Variants in PTAFR observed in about 807,000 individuals in gnomAD.
PTAFR encodes the protein platelet-activating factor receptor.
Under a neutral mutation model 14.7 loss-of-function variants are expected in PTAFR, and 8 were observed. That is an observed-to-expected ratio of 0.54 (90% CI 0.32 to 0.98). The LOEUF (loss-of-function observed/expected upper bound fraction) is 0.98, where lower values mean the gene tolerates loss of function less well. Ranked by LOEUF, PTAFR falls within the 50% of genes least tolerant of loss-of-function variation. The probability of loss-of-function intolerance (pLI) is 0.04; values close to 1 mark genes in which losing one functional copy is unlikely to be tolerated. For synonymous variants in PTAFR, 156 were observed against 176.5 expected (o/e 0.88, Z 0.92); for missense variants, 337 against 451.2 (o/e 0.75, Z 2.29).
chr1:28,191,996 G>C (rs942315685), intron 1 of PTAFR, among the ~76,000 whole-genome samples: 1 of 151,874 alleles, frequency 6.6e-6, no homozygotes, highest in Non-Finnish European at 1.5e-5. Context: ...TTTGAGCCTG[G>C]GGTCTCCAGG....
intron 1 of PTAFR, among the ~76,000 whole-genome samples, chr1:28,184,638 T>C (rs1369165136): frequency 6.6e-6 from 1 of 151,958 alleles, no homozygotes; most frequent in South Asian, 2.1e-4. Flanking sequence ...GTTTTTCCTT[T>C]TGTTTTTTTG....
chr1:28,189,414 C>A (rs1248470495), intron 1 of PTAFR, among the ~76,000 whole-genome samples: 1 of 151,718 alleles, frequency 6.6e-6, no homozygotes. Context: ...GAGTTCGAGA[C>A]CAGCCTGTTC....
upstream of PTAFR, among the ~76,000 whole-genome samples, chr1:28,179,043 T>G (rs1646541973): frequency 6.6e-6 from 1 of 152,186 alleles, no homozygotes; most frequent in Non-Finnish European, 1.5e-5. Flanking sequence ...CATTTCTTCT[T>G]GTCTCCCTTA....
rs560717305 is a variant in PTAFR, at chr1:28,149,635, C to A, written c.*358G>T. 5 of 227,582 alleles carry A rather than the reference C, an allele frequency of 2.2e-5. No homozygotes were observed. The highest frequency in any genetic ancestry group is 1.0e-4 in the Admixed American group (2 of 19,550). The allele number at this position is 227,582 out of a possible 1,614,324, so 14.1% of individuals were successfully genotyped here. A position where few individuals can be genotyped will look rare whatever the true frequency, so the allele number is the denominator to read the frequency against. ...GTGTGAGCCACTGCGCCCACTCCCC[C>A]AAAGCTTTAGACCGATGCCCCATCG... On this transcript the variant is annotated 3_prime_UTR_variant, in exon 2 of 2. Coordinates refer to ENST00000373857, the MANE Select transcript of PTAFR (RefSeq NM_000952.5).
chr1:28,191,267 G>C (rs1310033054), intron 1 of PTAFR, among the ~76,000 whole-genome samples: 1 of 152,224 alleles, frequency 6.6e-6, no homozygotes, highest in Non-Finnish European at 1.5e-5. Context: ...GTCCCTAGAG[G>C]TTTAGGGCAG....
Position 28,150,450 on chromosome 1 carries a change from A to G in PTAFR, c.572T>C (p.Ile191Thr). ...SVPVLIIHIF[I>T]VFSFFLVFLI... ...GAAGACCAGGAAGAAGCTGAACACG[A>G]TGAAGATGTGGATGATGAGGACTGG... Residue 191 changes from isoleucine (I) to threonine (T), a missense_variant, in exon 2 of 2, where the codon ATC (isoleucine) becomes ACC (threonine). Ile to Thr is a moderately conservative substitution (Grantham distance 89, BLOSUM62 -1). Coordinates refer to ENST00000373857, the MANE Select transcript of PTAFR (RefSeq NM_000952.5). The surrounding 1 kb of genome is among the most constrained non-coding windows in gnomAD (Gnocchi z 6.3). 1 of 1,614,184 alleles carries G rather than the reference A, an allele frequency of 6.2e-7. No homozygotes were observed. The highest frequency in any genetic ancestry group is 8.5e-7 in the Non-Finnish European group (1 of 1,180,026).
In PTAFR at chr1:28,163,433, C is replaced by A. The variant is rs553641435; in HGVS notation, c.-38-12374G>T. On this transcript the variant is annotated intron_variant, in intron 1 of 1. Transcript: ENST00000373857. ...AGTGGCCATGCCCTGATGATGGCTCCGAAATCCCCGGCACAAAGGAAGTGT... is the reference window on the plus strand; with the variant it reads ...AGTGGCCATGCCCTGATGATGGCTCAGAAATCCCCGGCACAAAGGAAGTGT... Among the ~76,000 whole-genome samples, 8 of 152,276 alleles carry A rather than the reference C, an allele frequency of 5.3e-5. No individual in the cohort carries two copies. In the South Asian group the frequency reaches 1.7e-3, roughly 32 times the overall value.
At chr1:28,160,038 C>G (rs1362828246) in intron 1 of PTAFR, among the ~76,000 whole-genome samples, 2 of 151,724 alleles carry the variant, frequency 1.3e-5, no homozygotes, top group Non-Finnish European at 2.9e-5. Context: ...TATAGCAAGA[C>G]CTCATCACTC....
chr1:28,186,893 C>T (rs1004812006), intron 1 of PTAFR, among the ~76,000 whole-genome samples: 1 of 152,122 alleles, frequency 6.6e-6, no homozygotes, highest in East Asian at 1.9e-4. Flanking sequence ...CCATTGCACT[C>T]CAGCCTGGGT....
chr1:28,150,583 C>T lies in PTAFR; in HGVS notation c.439G>A (p.Gly147Arg). The change falls in exon 2 of 2, where the codon GGA (glycine) becomes AGA (arginine). Residue 147 changes from glycine (G) to arginine (R), a missense_variant. Transcript: ENST00000373857. The surrounding 1 kb of genome is among the most constrained non-coding windows in gnomAD (Gnocchi z 6.3). Reference sequence around the variant, plus strand: ...AGGATGAGGAAGTAGGATGCAGCTCCCACAATGGCCACCCAGATGACCAAG... The same window carrying T: ...AGGATGAGGAAGTAGGATGCAGCTCTCACAATGGCCACCCAGATGACCAAG... ...LSLVIWVAIV[G>R]AASYFLILDS... 1 of 1,614,180 alleles carries T rather than the reference C, an allele frequency of 6.2e-7. No homozygotes were observed. Among genetic ancestry groups the T allele is most frequent in the Non-Finnish European group, 8.5e-7 (1 of 1,180,032 alleles).
chr1:28,179,070 C>T (rs548285746), upstream of PTAFR, among the ~76,000 whole-genome samples: 1 of 152,264 alleles, frequency 6.6e-6, no homozygotes, highest in South Asian at 2.1e-4. Context: ...TTTTGAGCCT[C>T]GAGTGCCCTG....
At chr1:28,179,387 T>C (rs1020546764), upstream of PTAFR, among the ~76,000 whole-genome samples, 20 of 152,302 alleles carry the variant, frequency 1.3e-4, no homozygotes, top group Non-Finnish European at 2.5e-4. Context: ...GCACCTCTTT[T>C]GAGATTATCA....
intron 1 of PTAFR, among the ~76,000 whole-genome samples, chr1:28,175,368 C>T (rs1646501438): frequency 6.6e-6 from 1 of 152,030 alleles, no homozygotes; most frequent in Admixed American, 6.6e-5. Context: ...AACTCTTTCT[C>T]CGGCGGTTTG....
rs550051506 is a variant in PTAFR, at chr1:28,160,225, C to A, written c.-38-9166G>T. On this transcript the variant is annotated intron_variant, in intron 1 of 1. Transcript: ENST00000373857. ...GCCTCAAGACCCTGTCACACACACA[C>A]AAAAAAGAATTAAAAAAAAAAAAAA... Among the ~76,000 whole-genome samples the A allele has an allele frequency of 2.1e-4, 28 of 133,934 alleles. 1 individual carries two copies. Among genetic ancestry groups the A allele is most frequent in the East Asian group, 1.3e-3 (6 of 4,708 alleles). 87.9% of individuals were successfully genotyped at this position (133,934 alleles called of 152,430 possible).
At chr1:28,173,812 C>T (rs1021561249) in intron 1 of PTAFR, among the ~76,000 whole-genome samples, 19 of 152,018 alleles carry the variant, frequency 1.2e-4, no homozygotes, top group Non-Finnish European at 2.8e-4. Flanking sequence ...GGTGATCCTC[C>T]CCCTGCATAT....
intron 1 of PTAFR, among the ~76,000 whole-genome samples, chr1:28,161,882 A>C (rs917099052): frequency 2.6e-5 from 4 of 152,238 alleles, no homozygotes; most frequent in Admixed American, 6.5e-5. Flanking sequence ...ACTCTAAAAA[A>C]GAAAAAAGGA....
intron 1 of PTAFR, among the ~76,000 whole-genome samples, chr1:28,187,391 C>T (rs1646615651): frequency 6.6e-6 from 1 of 152,146 alleles, no homozygotes; most frequent in South Asian, 2.1e-4. Flanking sequence ...AAAATTAGAT[C>T]TCTCACTTCA....
intron 1 of PTAFR, among the ~76,000 whole-genome samples, chr1:28,160,744 C>A (rs1490065778): frequency 1.3e-5 from 2 of 152,122 alleles, no homozygotes; most frequent in South Asian, 4.1e-4. Flanking sequence ...TAGGCCTCCT[C>A]CTTCCAGATA....
At chr1:28,186,705 G>T (rs1385969550) in intron 1 of PTAFR, among the ~76,000 whole-genome samples, 1 of 152,080 alleles carries the variant, frequency 6.6e-6, no homozygotes, top group African/African-American at 2.4e-5. Flanking sequence ...CAGGCGGGTC[G>T]CCTGAGGTCG....
Sources: allele counts gnomAD v4.1 joint callset (sites outside exome capture counted in the v4.1 genomes callset), GRCh38; gene constraint gnomAD v4.1.1; non-coding constraint Gnocchi (gnomAD v3.1); transcripts MANE v1.5; gene names NCBI Gene and HGNC (gene_info 2026-07-23, HGNC 2026-07-21).